The following SCAPER variants were observed in gnomAD, a reference collection of about 807,000 sequenced individuals.
SCAPER encodes the protein S-phase cyclin A associated protein in the ER, also known as S phase cyclin A-associated protein in the endoplasmic reticulum.
A neutral mutation model predicts 182.2 loss-of-function variants in SCAPER; 98 were observed. The observed-to-expected ratio is 0.54, with a 90% CI of 0.46 to 0.64. The LOEUF (loss-of-function observed/expected upper bound fraction) is 0.64. SCAPER is among the 30% of genes least tolerant of loss of function. The pLI is 0.00. For synonymous variants in SCAPER, 605 were observed against 564.6 expected (o/e 1.07, Z -1.01); for missense variants, 1,432 against 1,690.0 (o/e 0.85, Z 2.68).
At chr15:76,530,299 T>A (rs948335656) in intron 23 of SCAPER, among the ~76,000 whole-genome samples, 6 of 152,338 alleles carry the variant, frequency 3.9e-5, no homozygotes, top group African/African-American at 1.4e-4. Flanking sequence ...TTGTTGCAAC[T>A]TATCCTTATC....
At position 76,728,650 on chromosome 15, in the gene SCAPER, G is replaced by T; in HGVS notation, c.2110C>A (p.Gln704Lys). Residue 704 changes from glutamine (Q) to lysine (K), a missense_variant, in exon 17 of 32, where the codon CAA (glutamine) becomes AAA (lysine). This residue lies in a region of SCAPER where 88 missense variants were observed against 184.2 expected (regional missense o/e 0.48). Transcript: ENST00000563290. The part of the protein sequence containing the change: ...KRKEQEARIE[Q>K]QRQEKEKARE... ...GCTTTTTCCTTTTCTTGCCTCTGTTGTTCAATTCGGGCTTCTTGTTCTTTC... is the reference window on the plus strand; with the variant it reads ...GCTTTTTCCTTTTCTTGCCTCTGTTTTTCAATTCGGGCTTCTTGTTCTTTC... 6.2e-7 allele frequency: 1 copy of T among 1,613,628 alleles called. No homozygotes were observed. Among genetic ancestry groups the T allele is most frequent in the Non-Finnish European group, 8.5e-7 (1 of 1,179,694 alleles).
chr15:76,517,442 C>T lies in SCAPER; in HGVS notation c.2839-12468G>A, dbSNP rs183805774. ...TTGACTCACTGCAACCTCTGCCTCC[C>T]GGGTTCAAGCCATTCTCCTGCCTCA... On this transcript the variant is annotated intron_variant, in intron 23 of 31. Coordinates refer to ENST00000563290, the MANE Select transcript of SCAPER (RefSeq NM_020843.4). Among the ~76,000 whole-genome samples, 1,244 of 151,272 alleles carry T rather than the reference C, an allele frequency of 8.2e-3. 13 individuals are homozygous for T. Among genetic ancestry groups the T allele is most frequent in the African/African-American group, 0.028 (1,173 of 41,214 alleles).
At chr15:76,810,268 A>G (rs1318023155) in intron 5 of SCAPER, among the ~76,000 whole-genome samples, 3 of 152,046 alleles carry the variant, frequency 2.0e-5, no homozygotes, top group Non-Finnish European at 4.4e-5. Context: ...TAAGAGATAA[A>G]AGTATTAAAA....
chr15:76,397,537 G>A (rs8043057), intron 27 of SCAPER, among the ~76,000 whole-genome samples: 57,674 of 139,158 alleles, frequency 0.41, 13,635 homozygotes, highest in Middle Eastern at 0.6. Flanking sequence ...CTGGAGTGCA[G>A]TGGCGTGATC....
intron 26 of SCAPER, among the ~76,000 whole-genome samples, chr15:76,415,817 C>A (rs1372580653): frequency 6.6e-6 from 1 of 152,068 alleles, no homozygotes; most frequent in African/African-American, 2.4e-5. Context: ...GCAGTTGTAT[C>A]TGCAACAGTT....
intron 24 of SCAPER, among the ~76,000 whole-genome samples, chr15:76,473,364 G>C (rs895679037): frequency 4.6e-5 from 7 of 152,180 alleles, no homozygotes; most frequent in African/African-American, 1.7e-4. Flanking sequence ...GCTAGATATA[G>C]TTTGGCTTGG....
chr15:76,879,954 A>G (rs2073426831), intron 2 of SCAPER, among the ~76,000 whole-genome samples: 1 of 152,244 alleles, frequency 6.6e-6, no homozygotes, highest in African/African-American at 2.4e-5. Context: ...CTCACTGTGT[A>G]GGATGGTGTC....
chr15:76,439,515 T>G (rs1365241350), intron 25 of SCAPER, among the ~76,000 whole-genome samples: 1 of 152,240 alleles, frequency 6.6e-6, no homozygotes, highest in Non-Finnish European at 1.5e-5. Flanking sequence ...AGCCTGCTCT[T>G]TTGGGACACC....
At chr15:76,530,547 T>C (rs1567364371) in intron 23 of SCAPER, among the ~76,000 whole-genome samples, 1 of 152,184 alleles carries the variant, frequency 6.6e-6, no homozygotes, top group Non-Finnish European at 1.5e-5. Flanking sequence ...AGAGGCACTA[T>C]GGGAAATTTA....
At chr15:76,520,420 A>G (rs892891666) in intron 23 of SCAPER, among the ~76,000 whole-genome samples, 1 of 151,934 alleles carries the variant, frequency 6.6e-6, no homozygotes, top group Admixed American at 6.6e-5. Context: ...GTTTTGCCAT[A>G]TTGCTCAGGC....
At chr15:76,654,734 T>A (rs752551252) in intron 21 of SCAPER, among the ~76,000 whole-genome samples, 4 of 152,212 alleles carry the variant, frequency 2.6e-5, no homozygotes, top group Non-Finnish European at 5.9e-5. Flanking sequence ...GACTCAGGCA[T>A]CCTGCTTTCC....
chr15:76,578,250 T>C (rs1237859137), intron 22 of SCAPER, among the ~76,000 whole-genome samples: 2 of 152,140 alleles, frequency 1.3e-5, no homozygotes, highest in African/African-American at 2.4e-5. Flanking sequence ...GGATGGCATA[T>C]CTGGACCTGC....
chr15:76,837,330 C>T (rs2069047303), intron 5 of SCAPER, among the ~76,000 whole-genome samples: 2 of 152,168 alleles, frequency 1.3e-5, no homozygotes, highest in Admixed American at 6.5e-5. Flanking sequence ...ATACTTGAGA[C>T]TGGCTAATTT....
intron 23 of SCAPER, among the ~76,000 whole-genome samples, chr15:76,511,621 T>C (rs1037181409): frequency 2.0e-5 from 3 of 152,140 alleles, no homozygotes; most frequent in African/African-American, 7.2e-5. Context: ...TTTTCATGCC[T>C]CTGTGCTTTT....
At chr15:76,619,035 G>T (rs2146058014) in intron 22 of SCAPER, among the ~76,000 whole-genome samples, 1 of 152,256 alleles carries the variant, frequency 6.6e-6, no homozygotes, top group East Asian at 1.9e-4. Context: ...AGTAAAGATG[G>T]GGTTCTGCCA....
chr15:76,527,586 C>T (rs1016297452), intron 23 of SCAPER, among the ~76,000 whole-genome samples: 1 of 152,182 alleles, frequency 6.6e-6, no homozygotes, highest in Non-Finnish European at 1.5e-5. Context: ...TATTCCACCT[C>T]CTTTTAGGAG....
At position 76,683,171 on chromosome 15, in the gene SCAPER, C is replaced by T. The variant is rs1460360988; in HGVS notation, c.2509-17382G>A. On this transcript the variant is annotated intron_variant, in intron 20 of 31. Coordinates refer to ENST00000563290, the MANE Select transcript of SCAPER (RefSeq NM_020843.4). ...ATCTAAGAAATACGATGAAACAATG[C>T]AGGAGTTAAAAAATGAAACACTCAT... is the stretch of plus-strand genomic sequence containing the variant. Among the ~76,000 whole-genome samples, 4 of 151,356 alleles carry T rather than the reference C, an allele frequency of 2.6e-5. No homozygotes were observed. In the South Asian group the frequency reaches 8.4e-4, roughly 32 times the overall value.
At chr15:76,455,910 T>C (rs1254678376) in intron 25 of SCAPER, among the ~76,000 whole-genome samples, 1 of 152,166 alleles carries the variant, frequency 6.6e-6, no homozygotes. Flanking sequence ...CACTTATGAG[T>C]GAGAACATGC....
chr15:76,564,084 CTTT>C (rs1408610885), intron 23 of SCAPER, among the ~76,000 whole-genome samples: 1 of 152,102 alleles, frequency 6.6e-6, no homozygotes, highest in Non-Finnish European at 1.5e-5. Context: ...AAGCTGGAAA[CTTT>C]ATCCTTGAAA....
Sources: allele counts gnomAD v4.1 joint callset (sites outside exome capture counted in the v4.1 genomes callset), GRCh38; gene constraint gnomAD v4.1.1; regional missense constraint gnomAD v4.1.1; transcripts MANE v1.5; gene names NCBI Gene and HGNC (gene_info 2026-07-23, HGNC 2026-07-21).